Variants in ABCA1 observed in about 807,000 individuals in gnomAD.
ABCA1 encodes the protein ATP binding cassette subfamily A member 1, also known as phospholipid-transporting ATPase ABCA1.
Under a neutral mutation model 262.5 loss-of-function variants are expected in ABCA1, and 133 were observed. That is an observed-to-expected ratio of 0.51 (90% CI 0.44 to 0.59). ABCA1 has a LOEUF of 0.59. ABCA1 is among the 20% of genes least tolerant of loss of function. The pLI, the probability that ABCA1 is intolerant of heterozygous loss-of-function variation, is 0.00. For synonymous variants in ABCA1, 1,022 were observed against 1,043.5 expected (o/e 0.98, Z 0.40); for missense variants, 2,452 against 2,777.5 (o/e 0.88, Z 2.63).
rs1175457 is a variant in ABCA1, at chr9:104,874,783, G to C, written c.421+8256C>G. On this transcript the variant is annotated intron_variant, in intron 5 of 49. Transcript: ENST00000374736. ...GCCCCGTCCGGGAGGGAGGTGGGGG[G>C]CAGCCCCCGCCCGGCCAGCCGCCCC... Among the ~76,000 whole-genome samples, 56 of 140,108 alleles carry C rather than the reference G, an allele frequency of 4.0e-4. 1 individual carries two copies. The highest frequency in any genetic ancestry group is 2.7e-3 in the Admixed American group (39 of 14,402). 91.9% of individuals were successfully genotyped at this position (140,108 alleles called of 152,430 possible).
chr9:104,784,438 G>A lies in ABCA1; in HGVS notation c.6663C>T (p.Ala2221=), dbSNP rs1430005073. ...TTLDQVFVNF[A]KDQSDDDHLK... ...AGTGGTCATCATCACTTTGGTCCTT[G>A]GCAAAGTTCACAAATACCTGTTAAA... is the stretch of plus-strand genomic sequence containing the variant. Residue 2221 remains alanine, a synonymous_variant, in exon 50 of 50, where the codon GCC becomes GCT. Transcript: ENST00000374736. The A allele has an allele frequency of 6.2e-7, 1 of 1,613,962 alleles. No homozygotes were observed. The highest frequency in any genetic ancestry group is 1.7e-5 in the Admixed American group (1 of 60,016).
In ABCA1 at chr9:104,781,290, G is replaced by C. The variant is rs533175999; in HGVS notation, c.*3025C>G. 3 of 152,638 alleles carry C rather than the reference G, an allele frequency of 2.0e-5. No individual in the cohort carries two copies. The highest frequency in any genetic ancestry group is 1.9e-4 in the East Asian group (1 of 5,184). 9.5% of individuals were successfully genotyped at this position (152,638 alleles called of 1,614,324 possible). A position where few individuals can be genotyped will look rare whatever the true frequency, so the allele number is the denominator to read the frequency against. On this transcript the variant is annotated 3_prime_UTR_variant, in exon 50 of 50. Coordinates refer to ENST00000374736, the MANE Select transcript of ABCA1 (RefSeq NM_005502.4). ...AGCACAAAAACAGCTTCATCTTAGG[G>C]TATAAGAAGGGATAATAGCATACCT...
At chr9:104,794,133 ATG>A (rs1829661847) in intron 40 of ABCA1, among the ~76,000 whole-genome samples, 3 of 152,180 alleles carry the variant, frequency 2.0e-5, no homozygotes, top group Non-Finnish European at 4.4e-5. Flanking sequence ...ATCCAAGCAA[ATG>A]CCACTATTTT....
At chr9:104,833,896 A>G (rs1833568398) in intron 11 of ABCA1, among the ~76,000 whole-genome samples, 1 of 151,680 alleles carries the variant, frequency 6.6e-6, no homozygotes, top group Admixed American at 6.6e-5. Context: ...AGAGGGGCCG[A>G]GGCAGAGGCC....
At chr9:104,880,289 C>T (rs754086699) in intron 5 of ABCA1, among the ~76,000 whole-genome samples, 1 of 152,156 alleles carries the variant, frequency 6.6e-6, no homozygotes, top group African/African-American at 2.4e-5. Flanking sequence ...TCCATACTGA[C>T]ATATGCCAGT....
At chr9:104,869,494 T>C (rs1837406228) in intron 5 of ABCA1, among the ~76,000 whole-genome samples, 1 of 152,204 alleles carries the variant, frequency 6.6e-6, no homozygotes, top group African/African-American at 2.4e-5. Flanking sequence ...CCAGTGTCTT[T>C]ATGGTATTTT....
chr9:104,859,870 C>A (rs1251104301), intron 6 of ABCA1, among the ~76,000 whole-genome samples: 1 of 152,056 alleles, frequency 6.6e-6, no homozygotes, highest in Non-Finnish European at 1.5e-5. Flanking sequence ...GGCCAACCAA[C>A]ATGGTGAAAC....
At chr9:104,845,593 T>C in intron 7 of ABCA1, 24 bp from the exon 8 acceptor site, 1 of 1,512,924 alleles carries the variant, frequency 6.6e-7, no homozygotes, top group African/African-American at 1.4e-5. Context: ...GAAAACTTTG[T>C]TTCTGAATTC....
In ABCA1 at chr9:104,799,933, T is replaced by C; in HGVS notation, c.4829A>G (p.Asn1610Ser). The change falls in exon 36 of 50, where the codon AAC becomes AGC. Residue 1610 changes from asparagine to serine, a missense_variant. Around this residue, in one of 4 missense-constraint regions of ABCA1, gnomAD observed 752 missense variants for 944.5 expected, o/e 0.80. Transcript: ENST00000374736. Reference protein sequence around the residue: ...HAISSFLNVINNAILRANLQK... With the variant: ...HAISSFLNVISNAILRANLQK... ...CAGGTTGGCCCGGAGAATGGCATTG[T>C]TGATGACATTCAGGAAAGAGCTGAT... 6.2e-7 allele frequency: 1 copy of C among 1,614,198 alleles called. No homozygotes were observed. Among genetic ancestry groups the C allele is most frequent in the African/African-American group, 1.3e-5 (1 of 75,036 alleles).
At chr9:104,821,057 A>G (rs1365657756) in intron 20 of ABCA1, among the ~76,000 whole-genome samples, 1 of 152,102 alleles carries the variant, frequency 6.6e-6, no homozygotes, top group East Asian at 1.9e-4. Context: ...ATCCTGGCCA[A>G]CATGGTGAAA....
intron 16 of ABCA1, 149 bp downstream of exon 16, chr9:104,826,799 A>T: frequency 1.3e-6 from 1 of 770,176 alleles, no homozygotes. Flanking sequence ...GCTTGCCCTT[A>T]CCCTTAAAGA....
chr9:104,840,129 C>G, intron 9 of ABCA1, 150 bp downstream of exon 9: 1 of 1,339,054 alleles, frequency 7.5e-7, no homozygotes, highest in Non-Finnish European at 1.0e-6. Flanking sequence ...CAAGAGAAGC[C>G]TCTCTCCTCT....
At chr9:104,869,352 G>A (rs1386759155) in intron 5 of ABCA1, among the ~76,000 whole-genome samples, 2 of 152,186 alleles carry the variant, frequency 1.3e-5, no homozygotes, top group South Asian at 2.1e-4. Context: ...GCTAGGAGCT[G>A]TCAACTGAGC....
At chr9:104,834,835 C>G (rs1393356642) in intron 11 of ABCA1, among the ~76,000 whole-genome samples, 2 of 152,144 alleles carry the variant, frequency 1.3e-5, no homozygotes, top group Non-Finnish European at 2.9e-5. Context: ...CCAGAGAAAG[C>G]AGAAAGATCA....
At chr9:104,861,913 G>A in intron 5 of ABCA1, 113 bp from the exon 6 acceptor site, 5 of 980,216 alleles carry the variant, frequency 5.1e-6, no homozygotes, top group African/African-American at 1.6e-5. Context: ...ATCAACAGTT[G>A]CCTGGCTAAA....
chr9:104,871,503 G>A (rs1348976191), intron 5 of ABCA1, among the ~76,000 whole-genome samples: 1 of 152,188 alleles, frequency 6.6e-6, no homozygotes, highest in Non-Finnish European at 1.5e-5. Context: ...ACACTGGCCA[G>A]GGCGTGGAAG....
intron 5 of ABCA1, among the ~76,000 whole-genome samples, chr9:104,868,682 C>T (rs1837307459): frequency 6.6e-6 from 1 of 152,156 alleles, no homozygotes; most frequent in South Asian, 2.1e-4. Context: ...TAGCCAAGAG[C>T]TTCTGTAAAG....
intron 31 of ABCA1, 125 bp downstream of exon 31, chr9:104,806,115 AC>A (rs1830737944): frequency 3.7e-6 from 4 of 1,093,774 alleles, no homozygotes; most frequent in Non-Finnish European, 5.3e-6. Flanking sequence ...AGAAAAAAAA[AC>A]AAAAAACAAA....
At chr9:104,815,295 G>A (rs1831642964) in intron 25 of ABCA1, among the ~76,000 whole-genome samples, 1 of 152,154 alleles carries the variant, frequency 6.6e-6, no homozygotes, top group Admixed American at 6.5e-5. Context: ...CAGACTTCAA[G>A]GCCTCACCTC....
Sources: gnomAD v4.1 joint callset for allele counts (sites outside exome capture counted in the v4.1 genomes callset) on GRCh38, gnomAD v4.1.1 for gene constraint, gnomAD v4.1.1 regional missense constraint, MANE v1.5 for transcripts, NCBI Gene and HGNC (gene_info 2026-07-23, HGNC 2026-07-21) for gene names.